Variants in RABEP1 observed in about 807,000 individuals in gnomAD.
RABEP1 encodes the protein rab GTPase-binding effector protein 1.
A neutral mutation model predicts 123.4 loss-of-function variants in RABEP1; 51 were observed. That is an observed-to-expected ratio of 0.41 (90% CI 0.33 to 0.52). RABEP1 has a LOEUF of 0.52. Ranked by LOEUF, RABEP1 falls within the 20% of genes least tolerant of loss-of-function variation. The pLI, the probability that RABEP1 is intolerant of heterozygous loss-of-function variation, is 0.16. For synonymous variants in RABEP1, 347 were observed against 355.2 expected (o/e 0.98, Z 0.26); for missense variants, 888 against 996.3 (o/e 0.89, Z 1.46).
chr17:5,284,028 CA>C (rs1350097409), intron 1 of RABEP1: 3 of 152,230 alleles, frequency 2.0e-5, no homozygotes, highest in Non-Finnish European at 4.4e-5. Context: ...TTACTGCACA[CA>C]GAGGCAAGAT....
Position 5,332,125 on chromosome 17 carries a change from G to T in RABEP1, c.340G>T (p.Val114Phe). The change falls in exon 3 of 18, where the codon GTT (valine) becomes TTT (phenylalanine). Residue 114 changes from valine (V) to phenylalanine (F), a missense_variant. Physicochemically the swap from Val to Phe is conservative, Grantham distance 50. Coordinates refer to ENST00000537505, the MANE Select transcript of RABEP1 (RefSeq NM_004703.6). The part of the protein sequence containing the change: ...DEVKRQWREE[V>F]ASLQAVMKET... ...AGTGAAAAGACAGTGGAGAGAAGAA[G>T]TTGCTTCACTTCAGGCTGTTATGAA... is the stretch of plus-strand genomic sequence containing the variant. 6.2e-7 allele frequency: 1 copy of T among 1,614,044 alleles called. No individual in the cohort carries two copies.
At chr17:5,365,096 T>C in intron 10 of RABEP1, 26 bp from the exon 11 acceptor site, 2 of 1,455,932 alleles carry the variant, frequency 1.4e-6, no homozygotes, top group Non-Finnish European at 1.9e-6. Context: ...TTCTGGTTTT[T>C]CTAATTGACT....
Position 5,384,420 on chromosome 17 carries a change from T to C in RABEP1, c.*1197T>C, listed in dbSNP as rs763398389. The C allele has an allele frequency of 9.3e-6, 2 of 214,618 alleles. No homozygotes were observed. Among genetic ancestry groups the C allele is most frequent in the Non-Finnish European group, 1.9e-5 (2 of 106,358 alleles). The allele number at this position is 214,618 out of a possible 1,614,324, so 13.3% of individuals were successfully genotyped here. ...CAGGAATATCCAGTGGATGGATTCA[T>C]CATCCAGGAGGTTCAAAAGTAAGAT... On this transcript the variant is annotated 3_prime_UTR_variant, in exon 18 of 18. Coordinates refer to ENST00000537505, the MANE Select transcript of RABEP1 (RefSeq NM_004703.6).
rs1906613101 is a variant in RABEP1 at position 5,332,171 on chromosome 17, C to T, written c.367+19C>T. 1.2e-6 allele frequency: 2 copies of T among 1,602,816 alleles called. No homozygotes were observed. The highest frequency in any genetic ancestry group is 8.5e-7 in the Non-Finnish European group (1 of 1,172,200). ...ATGAAAGGTAAAGACAGAGAAAGAT[C>T]AATTTTGTGATTTTCTAAGATATCC... is the stretch of plus-strand genomic sequence containing the variant. On this transcript the variant is annotated intron_variant, in intron 3 of 17. Transcript: ENST00000537505.
At chr17:5,308,560 CAT>C in intron 1 of RABEP1, 132 bp from the exon 2 acceptor site, 1 of 808,914 alleles carries the variant, frequency 1.2e-6, no homozygotes, top group Non-Finnish European at 1.9e-6. Flanking sequence ...AATATCCTAG[CAT>C]ATGGTGGATT....
At chr17:5,308,283 TG>T (rs756584001) in intron 1 of RABEP1, among the ~76,000 whole-genome samples, 25 of 150,916 alleles carry the variant, frequency 1.7e-4, no homozygotes, top group South Asian at 4.2e-4. Flanking sequence ...TAGAGTGCAG[TG>T]GTGCGATCTC....
intron 13 of RABEP1, among the ~76,000 whole-genome samples, chr17:5,375,038 A>G (rs1297848410): frequency 6.6e-6 from 1 of 151,406 alleles, no homozygotes; most frequent in Non-Finnish European, 1.5e-5. Flanking sequence ...CGGCCTCCCA[A>G]AGTGCTGGGA....
chr17:5,302,993 T>C (rs904358038), intron 1 of RABEP1, among the ~76,000 whole-genome samples: 4 of 152,214 alleles, frequency 2.6e-5, no homozygotes, highest in African/African-American at 9.6e-5. Context: ...AAATAATTCT[T>C]AAAACAAGAA....
chr17:5,337,834 G>C (rs1907236474), intron 4 of RABEP1, among the ~76,000 whole-genome samples, 185 bp from the exon 5 acceptor site: 1 of 152,170 alleles, frequency 6.6e-6, no homozygotes, highest in Admixed American at 6.5e-5. Context: ...GGAAAACTCA[G>C]TTATACCTTG....
chr17:5,373,253 G>C, intron 12 of RABEP1, 61 bp from the exon 13 acceptor site: 1 of 1,530,284 alleles, frequency 6.5e-7, no homozygotes, highest in Non-Finnish European at 8.8e-7. Context: ...TTTCTCTGGT[G>C]TAGCTATCAC....
At chr17:5,365,505 T>G (rs1315492138) in intron 11 of RABEP1, among the ~76,000 whole-genome samples, 1 of 152,092 alleles carries the variant, frequency 6.6e-6, no homozygotes, top group Non-Finnish European at 1.5e-5. Context: ...CCTGCTGCAC[T>G]GGAAACTTGC....
intron 1 of RABEP1, among the ~76,000 whole-genome samples, chr17:5,295,461 T>G (rs1171525790): frequency 2.6e-5 from 4 of 151,600 alleles, no homozygotes; most frequent in African/African-American, 7.3e-5. Context: ...ATAATAGGTT[T>G]AATTAACCCT....
intron 1 of RABEP1, among the ~76,000 whole-genome samples, chr17:5,288,952 C>T (rs779523691): frequency 3.9e-5 from 6 of 152,058 alleles, no homozygotes; most frequent in South Asian, 2.1e-4. Context: ...TTTATCCACC[C>T]TCCTTGGCCT....
At chr17:5,311,697 CAAA>C (rs35876639) in intron 2 of RABEP1, among the ~76,000 whole-genome samples, 4 of 70,870 alleles carry the variant, frequency 5.6e-5, no homozygotes, top group Non-Finnish European at 9.7e-5. Flanking sequence ...GACTTCATCT[CAAA>C]AAAAAAAAAA....
chr17:5,371,115 C>G (rs571138557), intron 12 of RABEP1: 1 of 152,158 alleles, frequency 6.6e-6, no homozygotes, highest in Non-Finnish European at 1.5e-5. Flanking sequence ...TACATGCGCC[C>G]GCCACCACGC....
chr17:5,353,741 C>G (rs1224423273), intron 7 of RABEP1, among the ~76,000 whole-genome samples: 1 of 151,910 alleles, frequency 6.6e-6, no homozygotes. Context: ...CCCGGCTACA[C>G]GAGAGGATGA....
At chr17:5,308,586 T>C in intron 1 of RABEP1, 108 bp from the exon 2 acceptor site, 1 of 1,046,730 alleles carries the variant, frequency 9.6e-7, no homozygotes. Flanking sequence ...GGAAGAAGCT[T>C]GACTACTTGT....
rs753998645 is a variant in RABEP1 at position 5,346,841 on chromosome 17, C to T, written c.700C>T (p.Leu234=). 1.9e-6 allele frequency: 3 copies of T among 1,609,506 alleles called. No homozygotes were observed. The highest frequency in any genetic ancestry group is 1.3e-5 in the African/African-American group (1 of 74,900). The stretch of plus-strand genomic sequence containing the variant: ...AGCTGAGAAATCTTGTAGGACTGAT[C>T]TAGAGATGTATGTAGCTGTTTTGAA... ...LEAEKSCRTD[L]EMYVAVLNTQ... is the part of the protein sequence containing the mutation. Residue 234 remains leucine, a synonymous_variant, in exon 6 of 18, where the codon CTA becomes TTA. Transcript: ENST00000537505.
At position 5,282,539 on chromosome 17, in the gene RABEP1, C is replaced by T; in HGVS notation, c.34+19C>T. ...CCTGACGGTGAGGCGCCCACCATGG[C>T]AGGCGCGGCGGGCGCGGCCTGCCCG... On this transcript the variant is annotated intron_variant, in intron 1 of 17. Transcript: ENST00000537505. 8.4e-7 allele frequency: 1 copy of T among 1,196,046 alleles called. No homozygotes were observed. Among genetic ancestry groups the T allele is most frequent in the Non-Finnish European group, 1.0e-6 (1 of 960,882 alleles). 74.1% of individuals were successfully genotyped at this position (1,196,046 alleles called of 1,614,324 possible).
Sources: gnomAD v4.1 joint callset for allele counts (sites outside exome capture counted in the v4.1 genomes callset) on GRCh38, gnomAD v4.1.1 for gene constraint, MANE v1.5 for transcripts, NCBI Gene and HGNC (gene_info 2026-07-23, HGNC 2026-07-21) for gene names.